Variants in ZC3H13 observed in about 807,000 individuals in gnomAD.
ZC3H13 encodes the protein zinc finger CCCH-type containing 13, also known as zinc finger CCCH domain-containing protein 13.
ZC3H13 carries 64 observed loss-of-function variants against 204.1 expected under a neutral mutation model. The ratio of observed to expected loss-of-function variants is 0.31; its 90% CI spans 0.26 to 0.39. The LOEUF (loss-of-function observed/expected upper bound fraction) is 0.39, where lower values mean the gene tolerates loss of function less well. Ranked by LOEUF, ZC3H13 falls within the 10% of genes least tolerant of loss-of-function variation. The probability of loss-of-function intolerance (pLI) is 1.00; values close to 1 mark genes in which losing one functional copy is unlikely to be tolerated. For synonymous variants in ZC3H13, 667 were observed against 693.7 expected, an observed-to-expected ratio of 0.96 and a Z score of 0.60; for missense variants, 1,833 against 2,082.7, an observed-to-expected ratio of 0.88 and a Z score of 2.33.
intron 5 of ZC3H13, among the ~76,000 whole-genome samples, chr13:46,018,280 G>T (rs1282362782): frequency 6.6e-6 from 1 of 152,140 alleles, no homozygotes. Context: ...TTAGTGGAGA[G>T]TTGGGTCAGA....
chr13:46,009,872 G>A (rs1471205146), intron 7 of ZC3H13, among the ~76,000 whole-genome samples: 1 of 151,988 alleles, frequency 6.6e-6, no homozygotes, highest in East Asian at 1.9e-4. Flanking sequence ...ATGTTCCACA[G>A]AAAAGCAGAC....
chr13:45,976,000 G>A (rs1473625943), intron 11 of ZC3H13, among the ~76,000 whole-genome samples, 162 bp from the exon 12 acceptor site: 4 of 151,808 alleles, frequency 2.6e-5, no homozygotes, highest in Non-Finnish European at 4.4e-5. Context: ...AGTAACAATC[G>A]CCCCTAGACC....
chr13:45,970,061 G>A, intron 13 of ZC3H13, 90 bp from the exon 14 acceptor site: 2 of 1,464,478 alleles, frequency 1.4e-6, no homozygotes, highest in Non-Finnish European at 1.8e-6. Context: ...CCTCACACCT[G>A]TAATCCCAGG....
Position 45,965,269 on chromosome 13 carries a change from C to T in ZC3H13, c.4474+11G>A. On this transcript the variant is annotated intron_variant, in intron 16 of 18. Transcript: ENST00000679008. The stretch of plus-strand genomic sequence containing the variant: ...TAATTTTCATGTTTAACCACCTCTG[C>T]AAATAGTTACCTGGCATCTTCTCCT... 6.2e-7 allele frequency: 1 copy of T among 1,611,892 alleles called. No homozygotes were observed. The highest frequency in any genetic ancestry group is 8.5e-7 in the Non-Finnish European group (1 of 1,178,930).
At chr13:46,029,931 A>G (rs2042788329) in intron 4 of ZC3H13, among the ~76,000 whole-genome samples, 1 of 152,224 alleles carries the variant, frequency 6.6e-6, no homozygotes, top group South Asian at 2.1e-4. Flanking sequence ...TCATTTCACT[A>G]TATATATTTG....
chr13:45,999,335 A>G (rs1328521047), intron 8 of ZC3H13, among the ~76,000 whole-genome samples: 1 of 152,184 alleles, frequency 6.6e-6, no homozygotes. Flanking sequence ...CCTGGACTCA[A>G]TCCTCTCAAA....
chr13:45,968,375 G>C (rs916250588), intron 14 of ZC3H13, among the ~76,000 whole-genome samples: 1 of 151,886 alleles, frequency 6.6e-6, no homozygotes, highest in Non-Finnish European at 1.5e-5. Context: ...TCCATTATTT[G>C]ATCTCCTCCT....
In ZC3H13 at chr13:45,970,392, T is replaced by C. The variant is rs1952486172; in HGVS notation, c.2542A>G (p.Ser848Gly). Residue 848 changes from serine (S) to glycine (G), a missense_variant, in exon 13 of 19, where the codon AGT (serine) becomes GGT (glycine). Coordinates refer to ENST00000679008, the MANE Select transcript of ZC3H13 (RefSeq NM_001330564.2). ...TCATCTCCACTGTTGTAGGCATCAC[T>C]GTCCGGAGAATGTTCACGCCGGCGC... ...PKRRREHSPD[S>G]DAYNSGDDKN... 1 of 1,613,996 alleles carries C rather than the reference T, an allele frequency of 6.2e-7. No individual in the cohort carries two copies. The highest frequency in any genetic ancestry group is 8.5e-7 in the Non-Finnish European group (1 of 1,179,872).
At position 45,998,743 on chromosome 13, in the gene ZC3H13, G is replaced by A. The variant is rs73478694; in HGVS notation, c.944+4396C>T. On this transcript the variant is annotated intron_variant, in intron 8 of 18. Coordinates refer to ENST00000679008, the MANE Select transcript of ZC3H13 (RefSeq NM_001330564.2). ...TCTAAGCCTTCAGAGAGTTTTAACC[G>A]TTTTGTGGGTAAGGGTATTATCTTG... Among the ~76,000 whole-genome samples, 1,188 of 152,236 alleles carry A rather than the reference G, an allele frequency of 7.8e-3. 16 individuals carry two copies. The highest frequency in any genetic ancestry group is 0.027 in the African/African-American group (1,113 of 41,540).
At chr13:45,976,314 G>C in intron 11 of ZC3H13, 1 of 943,380 alleles carries the variant, frequency 1.1e-6, no homozygotes, top group Non-Finnish European at 1.3e-6. Context: ...CTAATTTCAG[G>C]CCAAAATATA....
At chr13:46,024,878 G>A (rs2042446566) in intron 4 of ZC3H13, among the ~76,000 whole-genome samples, 1 of 152,034 alleles carries the variant, frequency 6.6e-6, no homozygotes, top group Non-Finnish European at 1.5e-5. Context: ...CTATTGTCAG[G>A]TCAAGTCACC....
intron 1 of ZC3H13, among the ~76,000 whole-genome samples, chr13:46,046,844 C>G (rs2044004048): frequency 6.6e-6 from 1 of 151,834 alleles, no homozygotes; most frequent in Non-Finnish European, 1.5e-5. Flanking sequence ...AATTCTAGAC[C>G]AAGATACAAT....
At chr13:45,972,396 T>G (rs1381254870) in intron 12 of ZC3H13, among the ~76,000 whole-genome samples, 1 of 152,004 alleles carries the variant, frequency 6.6e-6, no homozygotes, top group East Asian at 1.9e-4. Context: ...AAGCTATGAG[T>G]ATGCAAAGGC....
intron 8 of ZC3H13, among the ~76,000 whole-genome samples, chr13:45,993,533 A>G (rs2040115674): frequency 6.6e-6 from 1 of 152,260 alleles, no homozygotes; most frequent in Admixed American, 6.5e-5. Flanking sequence ...TGAGGGAATC[A>G]GAAAGCAGGC....
chr13:45,988,220 G>A (rs2039692276), intron 9 of ZC3H13, among the ~76,000 whole-genome samples: 1 of 152,156 alleles, frequency 6.6e-6, no homozygotes, highest in Non-Finnish European at 1.5e-5. Flanking sequence ...TCTAGAACTT[G>A]AGAGTACTTA....
intron 8 of ZC3H13, among the ~76,000 whole-genome samples, chr13:45,996,627 C>G (rs1489723450): frequency 1.3e-5 from 2 of 151,880 alleles, no homozygotes; most frequent in Non-Finnish European, 2.9e-5. Context: ...GTAGCCATCT[C>G]AGTTATCAGA....
intron 7 of ZC3H13, among the ~76,000 whole-genome samples, chr13:46,008,158 T>C (rs935788141): frequency 6.6e-6 from 1 of 151,902 alleles, no homozygotes; most frequent in African/African-American, 2.4e-5. Flanking sequence ...CACACCTCAG[T>C]TGGCTGACAC....
At chr13:46,044,778 C>A (rs2043829344) in intron 3 of ZC3H13, among the ~76,000 whole-genome samples, 177 bp downstream of exon 3, 2 of 152,070 alleles carry the variant, frequency 1.3e-5, no homozygotes, top group Non-Finnish European at 2.9e-5. Flanking sequence ...TGAAAGCAAA[C>A]ATTTTATTAA....
intron 10 of ZC3H13, among the ~76,000 whole-genome samples, chr13:45,980,415 A>G (rs1043200868): frequency 1.3e-5 from 2 of 152,234 alleles, no homozygotes; most frequent in African/African-American, 4.8e-5. Flanking sequence ...TAGAACACCA[A>G]GGTTAATGAC....
Sources: allele counts gnomAD v4.1 joint callset (sites outside exome capture counted in the v4.1 genomes callset), GRCh38; gene constraint gnomAD v4.1.1; transcripts MANE v1.5; gene names NCBI Gene and HGNC (gene_info 2026-07-23, HGNC 2026-07-21).